The following PHACTR1 variants were observed in gnomAD, a reference collection of about 807,000 sequenced individuals.
PHACTR1 encodes RPEL repeat containing 1.
In PHACTR1, 16 loss-of-function variants were observed where a neutral mutation model predicts 69.2. The ratio of observed to expected loss-of-function variants is 0.23; its 90% CI spans 0.16 to 0.35. PHACTR1 has a LOEUF of 0.35. Ranked by LOEUF, PHACTR1 falls within the 10% of genes least tolerant of loss-of-function variation. The pLI is 1.00. For missense variants in PHACTR1, 510 were observed against 734.7 expected, an observed-to-expected ratio of 0.69 and a Z score of 3.54; for synonymous variants, 312 against 284.5, an observed-to-expected ratio of 1.10 and a Z score of -0.97.
rs1024026238 is a variant in PHACTR1, at chr6:12,946,901, C to T, written c.251-106464C>T. Among the ~76,000 whole-genome samples, 3 of 149,420 alleles carry T rather than the reference C, an allele frequency of 2.0e-5. No individual in the cohort carries two copies. The Admixed American group carries it at 2.0e-4, about 10-fold the overall frequency. ...AATCTCGGCTCACTGCAACCTCCAC[C>T]TCCCCGGTCCAAGCAATTCTCCTGC... On this transcript the variant is annotated intron_variant, in intron 4 of 14. Transcript: ENST00000332995.
At chr6:13,235,695 G>A (rs190378022) in intron 10 of PHACTR1, among the ~76,000 whole-genome samples, 9 of 152,298 alleles carry the variant, frequency 5.9e-5, no homozygotes, top group Admixed American at 4.6e-4. Flanking sequence ...CAGTCATTCA[G>A]TAAGTTGATA....
chr6:12,782,938 G>A (rs541596155), intron 4 of PHACTR1, among the ~76,000 whole-genome samples: 1 of 152,290 alleles, frequency 6.6e-6, no homozygotes, highest in African/African-American at 2.4e-5. Flanking sequence ...AAATATTTGT[G>A]TTCAACCTAT....
intron 5 of PHACTR1, among the ~76,000 whole-genome samples, chr6:13,133,183 A>G (rs1322980971): frequency 7.1e-6 from 1 of 139,928 alleles, no homozygotes; most frequent in Non-Finnish European, 1.5e-5. Context: ...TTTCGTCTCC[A>G]TTGAAAATCT....
chr6:12,948,374 T>G (rs145395308), intron 4 of PHACTR1, among the ~76,000 whole-genome samples: 2 of 152,278 alleles, frequency 1.3e-5, no homozygotes, highest in African/African-American at 4.8e-5. Flanking sequence ...AAGAGGTATA[T>G]CCCAGCCAGC....
chr6:12,732,813 A>G (rs1286658548), intron 3 of PHACTR1, among the ~76,000 whole-genome samples: 1 of 152,252 alleles, frequency 6.6e-6, no homozygotes, highest in Non-Finnish European at 1.5e-5. Context: ...TAACTGAATT[A>G]TGAAATAATC....
intron 6 of PHACTR1, among the ~76,000 whole-genome samples, chr6:13,172,968 C>A (rs1245262171): frequency 6.6e-6 from 1 of 152,196 alleles, no homozygotes; most frequent in Non-Finnish European, 1.5e-5. Flanking sequence ...GCATATTGGT[C>A]AGAATAATCC....
At chr6:13,165,822 G>A (rs1034966185) in intron 6 of PHACTR1, among the ~76,000 whole-genome samples, 2 of 152,220 alleles carry the variant, frequency 1.3e-5, no homozygotes, top group Non-Finnish European at 2.9e-5. Flanking sequence ...GAGCCCTTAA[G>A]TTCTTCAGAT....
intron 12 of PHACTR1, among the ~76,000 whole-genome samples, chr6:13,278,886 C>A (rs942481616): frequency 1.3e-4 from 19 of 151,504 alleles, no homozygotes; most frequent in African/African-American, 4.6e-4. Flanking sequence ...TTGCTTGAGC[C>A]CAGGAGGCAG....
intron 4 of PHACTR1, among the ~76,000 whole-genome samples, chr6:12,836,363 C>A (rs1317466448): frequency 2.0e-5 from 3 of 152,150 alleles, no homozygotes; most frequent in Non-Finnish European, 4.4e-5. Context: ...TTTGGTGGCA[C>A]CGTTTGGTAA....
chr6:12,756,417 G>T (rs746395899), intron 4 of PHACTR1, among the ~76,000 whole-genome samples: 1 of 152,122 alleles, frequency 6.6e-6, no homozygotes, highest in African/African-American at 2.4e-5. Flanking sequence ...GGAGTGGGCA[G>T]TATTGACATT....
intron 4 of PHACTR1, among the ~76,000 whole-genome samples, chr6:12,911,258 C>T (rs1241952395): frequency 6.6e-6 from 1 of 152,034 alleles, no homozygotes; most frequent in African/African-American, 2.4e-5. Context: ...AGGTTCGTTT[C>T]AATTTTCTGT....
chr6:12,856,833 G>A (rs746799308), intron 4 of PHACTR1, among the ~76,000 whole-genome samples: 1 of 152,206 alleles, frequency 6.6e-6, no homozygotes, highest in Non-Finnish European at 1.5e-5. Context: ...TAAGCCAGAA[G>A]TACCCAGAGG....
rs201554952 is a variant in PHACTR1, at chr6:13,195,779, A to AAAAAAAAAAAAG, written c.665-10035_665-10034insAAAAAAAAAAGA. On this transcript the variant is annotated intron_variant, in intron 7 of 14. Transcript: ENST00000332995. ...TCTCAAAAAAAAAAAAAAAAAAAAA[A>AAAAAAAAAAAAG]AGTTCATTTGTGGTGGTAAGAAGAG... Among the ~76,000 whole-genome samples the AAAAAAAAAAAAG allele has an allele frequency of 6.7e-4, 80 of 118,568 alleles. 2 individuals carry two copies. The highest frequency in any genetic ancestry group is 9.0e-4 in the African/African-American group (28 of 30,944). 77.8% of individuals were successfully genotyped at this position (118,568 alleles called of 152,430 possible). A position where few individuals can be genotyped will look rare whatever the true frequency, so the allele number is the denominator to read the frequency against.
At chr6:13,282,664 A>C (rs1251587579) in intron 12 of PHACTR1, among the ~76,000 whole-genome samples, 2 of 152,144 alleles carry the variant, frequency 1.3e-5, no homozygotes, top group East Asian at 3.9e-4. Flanking sequence ...ATTTGCACAT[A>C]CGCTTTTTTG....
intron 4 of PHACTR1, among the ~76,000 whole-genome samples, chr6:12,789,606 A>G (rs912990444): frequency 6.6e-6 from 1 of 151,706 alleles, no homozygotes; most frequent in African/African-American, 2.4e-5. Flanking sequence ...AATGGCCAAC[A>G]CTCATCCTAA....
At chr6:13,088,254 CAT>C (rs1039399000) in intron 5 of PHACTR1, among the ~76,000 whole-genome samples, 2 of 151,698 alleles carry the variant, frequency 1.3e-5, no homozygotes, top group Non-Finnish European at 2.9e-5. Context: ...AATAATAAAA[CAT>C]AATATTTTTT....
At chr6:13,020,096 C>T (rs946200632) in intron 4 of PHACTR1, among the ~76,000 whole-genome samples, 3 of 152,166 alleles carry the variant, frequency 2.0e-5, no homozygotes, top group African/African-American at 7.2e-5. Context: ...GACCTTACTT[C>T]ACCCCACAGG....
At chr6:12,925,426 T>G (rs1788166098) in intron 4 of PHACTR1, among the ~76,000 whole-genome samples, 1 of 152,182 alleles carries the variant, frequency 6.6e-6, no homozygotes, top group Admixed American at 6.5e-5. Flanking sequence ...ACACAAAAAG[T>G]TGGATAAAAT....
intron 4 of PHACTR1, among the ~76,000 whole-genome samples, chr6:13,040,643 G>T (rs571917331): frequency 1.6e-4 from 24 of 152,230 alleles, no homozygotes; most frequent in Non-Finnish European, 3.1e-4. Context: ...CTGCCCACCA[G>T]CCACCACCCT....
Sources: allele counts gnomAD v4.1 joint callset (sites outside exome capture counted in the v4.1 genomes callset), GRCh38; gene constraint gnomAD v4.1.1; transcripts MANE v1.5; gene names NCBI Gene and HGNC (gene_info 2026-07-23, HGNC 2026-07-21).